The following TMEM245 variants were observed in gnomAD, a reference collection of about 807,000 sequenced individuals.
TMEM245 encodes the protein protein CG-2.
A neutral mutation model predicts 101.2 loss-of-function variants in TMEM245; 69 were observed. The ratio of observed to expected loss-of-function variants is 0.68; its 90% CI spans 0.56 to 0.83. The LOEUF (loss-of-function observed/expected upper bound fraction) is 0.83. Among genes scored for constraint, TMEM245 ranks in the 40% least tolerant of loss-of-function variants. The pLI is 0.00. For missense variants in TMEM245, 1,075 were observed against 1,092.8 expected (o/e 0.98, Z 0.23); for synonymous variants, 537 against 449.8 (o/e 1.19, Z -2.45).
chr9:109,016,667 T>C lies in TMEM245; in HGVS notation c.*3793A>G, dbSNP rs1009946340. 6.6e-6 allele frequency: 1 copy of C among 151,714 alleles called. No homozygotes were observed. The highest frequency in any genetic ancestry group is 6.6e-5 in the Admixed American group (1 of 15,232). The allele number at this position is 151,714 out of a possible 1,614,324, so 9.4% of individuals were successfully genotyped here. On this transcript the variant is annotated 3_prime_UTR_variant, in exon 18 of 18. Coordinates refer to ENST00000374586, the MANE Select transcript of TMEM245 (RefSeq NM_032012.4). ...TGCAGACAGCATGTGTGTTTTTTTT[T>C]TTTTTTTTTTTTGCAGGTTCCCAAT...
chr9:109,072,372 C>T (rs181296458), intron 9 of TMEM245, among the ~76,000 whole-genome samples: 12 of 152,304 alleles, frequency 7.9e-5, no homozygotes, highest in Non-Finnish European at 1.5e-4. Context: ...TGATTTAAAC[C>T]GCTATTGCTA....
intron 1 of TMEM245, among the ~76,000 whole-genome samples, chr9:109,109,065 A>T (rs567807498): frequency 6.6e-6 from 1 of 152,344 alleles, no homozygotes; most frequent in South Asian, 2.1e-4. Flanking sequence ...AAAAGTAAGA[A>T]AGCAGCCAGC....
intron 8 of TMEM245, among the ~76,000 whole-genome samples, chr9:109,073,915 T>C (rs1829416535): frequency 1.3e-5 from 2 of 148,842 alleles, no homozygotes; most frequent in South Asian, 4.3e-4. Flanking sequence ...TGCTGGTGTG[T>C]AGTGGCGCAA....
intron 17 of TMEM245, among the ~76,000 whole-genome samples, chr9:109,023,383 A>G (rs907808697): frequency 5.9e-5 from 9 of 152,226 alleles, no homozygotes; most frequent in Non-Finnish European, 4.4e-5. Context: ...TAAAGCTCAT[A>G]AAACTATAAC....
intron 8 of TMEM245, among the ~76,000 whole-genome samples, chr9:109,074,504 A>G (rs1564192837): frequency 6.6e-6 from 1 of 152,178 alleles, no homozygotes; most frequent in Non-Finnish European, 1.5e-5. Context: ...TCCTTTTCTG[A>G]TGACAGAGGG....
intron 8 of TMEM245, among the ~76,000 whole-genome samples, chr9:109,076,884 G>C (rs552829183): frequency 1.3e-5 from 2 of 151,966 alleles, no homozygotes; most frequent in East Asian, 3.9e-4. Flanking sequence ...TGTAAAGCCA[G>C]GGTCTCCTTA....
intron 3 of TMEM245, among the ~76,000 whole-genome samples, chr9:109,102,871 T>C (rs79741696): frequency 3.3e-4 from 50 of 152,342 alleles, no homozygotes; most frequent in African/African-American, 1.1e-3. Context: ...TGTAGAAGCT[T>C]TGTGTTCAGA....
At chr9:109,075,735 T>C (rs142929603) in intron 8 of TMEM245, among the ~76,000 whole-genome samples, 2 of 152,368 alleles carry the variant, frequency 1.3e-5, no homozygotes, top group East Asian at 3.9e-4. Flanking sequence ...TATCTTCTTT[T>C]TTCTTCATCA....
chr9:109,061,471 TTAGCCTTCATCAC>T (rs988743510), intron 10 of TMEM245, among the ~76,000 whole-genome samples: 13 of 152,246 alleles, frequency 8.5e-5, no homozygotes, highest in Non-Finnish European at 1.8e-4. Flanking sequence ...CATTCAATCT[TTAGCCTTCATCAC>T]TAACCTTCAT....
At chr9:109,080,810 T>G (rs1051286769) in intron 8 of TMEM245, 29 bp downstream of exon 8, 2 of 1,336,588 alleles carry the variant, frequency 1.5e-6, no homozygotes, top group African/African-American at 1.5e-5. Flanking sequence ...AAGGGTTTAT[T>G]AATGAGAATA....
At chr9:109,071,497 A>C (rs1325731145) in intron 9 of TMEM245, among the ~76,000 whole-genome samples, 2 of 151,772 alleles carry the variant, frequency 1.3e-5, no homozygotes, top group Admixed American at 6.6e-5. Flanking sequence ...CCAGCTACTC[A>C]GGAGACTAAA....
chr9:109,039,109 T>C (rs928035989), intron 14 of TMEM245: 1 of 152,178 alleles, frequency 6.6e-6, no homozygotes, highest in Non-Finnish European at 1.5e-5. Context: ...TTCTAAAGCA[T>C]CCCAAGAGGT....
At chr9:109,079,396 T>C (rs998016849) in intron 8 of TMEM245, among the ~76,000 whole-genome samples, 1 of 151,264 alleles carries the variant, frequency 6.6e-6, no homozygotes, top group East Asian at 2.0e-4. Context: ...AAGAATGGAG[T>C]TGTCACTGAA....
chr9:109,065,362 A>G (rs1829136128), intron 9 of TMEM245, among the ~76,000 whole-genome samples: 1 of 145,906 alleles, frequency 6.9e-6, no homozygotes, highest in African/African-American at 2.6e-5. Flanking sequence ...GGGCCCAGCA[A>G]TCTGTACCTT....
chr9:109,054,059 G>C (rs1828764759), intron 12 of TMEM245, among the ~76,000 whole-genome samples: 1 of 152,158 alleles, frequency 6.6e-6, no homozygotes, highest in African/African-American at 2.4e-5. Flanking sequence ...GGCTGGGCAT[G>C]GTGGCTCATG....
chr9:109,114,037 T>C lies in TMEM245; in HGVS notation c.579+5298A>G, dbSNP rs144571190. Among the ~76,000 whole-genome samples the C allele has an allele frequency of 8.9e-3, 1,351 of 152,100 alleles. 10 individuals are homozygous for C. Among genetic ancestry groups the C allele is most frequent in the Non-Finnish European group, 0.013 (891 of 67,974 alleles). ...GTTGCGGTGAGCCGAGAACGCGCCA[T>C]TGCACTCCAGCCTGGGCAACAAGAG... On this transcript the variant is annotated intron_variant, in intron 1 of 17. Coordinates refer to ENST00000374586, the MANE Select transcript of TMEM245 (RefSeq NM_032012.4).
Position 109,015,513 on chromosome 9 carries a change from T to TA in TMEM245, c.*4946dup, listed in dbSNP as rs1354182692. 2 of 152,508 alleles carry TA rather than the reference T, an allele frequency of 1.3e-5. No homozygotes were observed. Among genetic ancestry groups the TA allele is most frequent in the Admixed American group, 1.3e-4 (2 of 15,276 alleles). 9.4% of individuals were successfully genotyped at this position (152,508 alleles called of 1,614,324 possible). A position where few individuals can be genotyped will look rare whatever the true frequency, so the allele number is the denominator to read the frequency against. On this transcript the variant is annotated 3_prime_UTR_variant, in exon 18 of 18. Transcript: ENST00000374586. ...AGTTACATCTGCTGGGTCTCTGCAA[T>TA]AAAAAATAAATGATATTTGATAATA... is the stretch of plus-strand genomic sequence containing the variant.
intron 17 of TMEM245, among the ~76,000 whole-genome samples, chr9:109,030,854 C>T (rs114626602): frequency 6.6e-6 from 1 of 152,316 alleles, no homozygotes; most frequent in African/African-American, 2.4e-5. Flanking sequence ...AGTTAAAGGA[C>T]AATGTCTCTC....
At chr9:109,051,214 C>T (rs1364770209) in intron 12 of TMEM245, among the ~76,000 whole-genome samples, 1 of 151,390 alleles carries the variant, frequency 6.6e-6, no homozygotes, top group Non-Finnish European at 1.5e-5. Context: ...ATCGCTTGAA[C>T]CCAGGAGGCA....
Sources: gnomAD v4.1 joint callset for allele counts (sites outside exome capture counted in the v4.1 genomes callset) on GRCh38, gnomAD v4.1.1 for gene constraint, MANE v1.5 for transcripts, NCBI Gene and HGNC (gene_info 2026-07-23, HGNC 2026-07-21) for gene names.